Variants in STARD10 observed in about 807,000 individuals in gnomAD.
The protein encoded by STARD10 is StAR related lipid transfer domain containing 10, also known as START domain-containing protein 10.
Under a neutral mutation model 36.0 loss-of-function variants are expected in STARD10, and 24 were observed. That is an observed-to-expected ratio of 0.67 (90% CI 0.48 to 0.94). The LOEUF is 0.94. Ranked by LOEUF, STARD10 falls within the 40% of genes least tolerant of loss-of-function variation. The probability of loss-of-function intolerance (pLI) is 0.00; values close to 1 mark genes in which losing one functional copy is unlikely to be tolerated. For missense variants in STARD10, 335 were observed against 396.6 expected (o/e 0.84, Z 1.32); for synonymous variants, 156 against 161.9 (o/e 0.96, Z 0.28).
chr11:72,786,208 T>C (rs1278337387), intron 1 of STARD10, among the ~76,000 whole-genome samples: 1 of 152,092 alleles, frequency 6.6e-6, no homozygotes, highest in Non-Finnish European at 1.5e-5. Context: ...AAAAATTAGC[T>C]GGGCGTGGTG....
intron 3 of STARD10, among the ~76,000 whole-genome samples, chr11:72,758,992 G>C (rs1329270434): frequency 6.6e-6 from 1 of 152,250 alleles, no homozygotes; most frequent in African/African-American, 2.4e-5. Context: ...GCCTGATTGA[G>C]TGTATGCCTA....
intron 1 of STARD10, among the ~76,000 whole-genome samples, chr11:72,786,910 T>G (rs1859080146): frequency 6.6e-6 from 1 of 151,726 alleles, no homozygotes; most frequent in East Asian, 1.9e-4. Context: ...TGAGACGCCA[T>G]CTCTACAAAA....
intron 1 of STARD10, chr11:72,782,360 C>A (rs1859015859): frequency 6.6e-6 from 1 of 152,246 alleles, no homozygotes; most frequent in South Asian, 2.1e-4. Flanking sequence ...ACACCCAACC[C>A]CATTCCCACT....
intron 2 of STARD10, among the ~76,000 whole-genome samples, chr11:72,759,920 C>CT (rs1027596429): frequency 3.4e-5 from 5 of 148,776 alleles, no homozygotes; most frequent in Non-Finnish European, 6.0e-5. Flanking sequence ...TTTTTTTTTT[C>CT]TTTTTTTGAG....
rs757843058 is a variant in STARD10 at position 72,767,526 on chromosome 11, G to A, written c.208-8145C>T. Reference sequence around the variant, plus strand: ...AGGACTTTCTGCTACCTTCACCAAGGGGCAGGACTGGCCCAGCTAAAACAA... The same window carrying A: ...AGGACTTTCTGCTACCTTCACCAAGAGGCAGGACTGGCCCAGCTAAAACAA... On this transcript the variant is annotated intron_variant, in intron 2 of 6. Transcript: ENST00000334805. Among the ~76,000 whole-genome samples, 10 of 152,178 alleles carry A rather than the reference G, an allele frequency of 6.6e-5. 1 individual carries two copies. The highest frequency in any genetic ancestry group is 4.4e-5 in the Non-Finnish European group (3 of 68,024).
chr11:72,761,857 TGATA>T (rs1399929771), intron 2 of STARD10, among the ~76,000 whole-genome samples: 2 of 149,168 alleles, frequency 1.3e-5, no homozygotes, highest in Non-Finnish European at 3.0e-5. Flanking sequence ...GATCTCTAAA[TGATA>T]GATAGGAATG....
chr11:72,761,162 A>G (rs992050706), intron 2 of STARD10, among the ~76,000 whole-genome samples: 5 of 152,232 alleles, frequency 3.3e-5, no homozygotes, highest in Admixed American at 6.5e-5. Context: ...CAGAGGACAG[A>G]GGAATGAGCT....
intron 2 of STARD10, among the ~76,000 whole-genome samples, chr11:72,762,608 T>C (rs1310652978): frequency 2.0e-5 from 3 of 151,996 alleles, no homozygotes; most frequent in Admixed American, 2.0e-4. Flanking sequence ...ATTCGAGGCC[T>C]GTCTTTGAGA....
At chr11:72,778,709 T>C (rs1858955830) in intron 2 of STARD10, among the ~76,000 whole-genome samples, 1 of 152,184 alleles carries the variant, frequency 6.6e-6, no homozygotes. Context: ...CAGACCCAGC[T>C]CTGCTGAGAC....
At chr11:72,755,205 C>G (rs554150926) in intron 6 of STARD10, 63 bp from the exon 7 acceptor site, 42 of 1,518,332 alleles carry the variant, frequency 2.8e-5, no homozygotes, top group African/African-American at 1.9e-4. Context: ...TCCACACCCC[C>G]CTCCAGCGGC....
At chr11:72,760,928 G>T (rs1858707471) in intron 2 of STARD10, among the ~76,000 whole-genome samples, 1 of 151,820 alleles carries the variant, frequency 6.6e-6, no homozygotes, top group Non-Finnish European at 1.5e-5. Context: ...CTGGCATTTA[G>T]ACAGTGCCAA....
chr11:72,755,226 G>T, intron 6 of STARD10, 84 bp from the exon 7 acceptor site: 1 of 1,464,818 alleles, frequency 6.8e-7, no homozygotes, highest in Non-Finnish European at 9.1e-7. Flanking sequence ...TCAGCCCCCA[G>T]CATCCTGACT....
In STARD10 at chr11:72,781,339, G is replaced by A. The variant is rs1784016570; in HGVS notation, c.-113-45C>T. ...ACGGGAATCAGTGCGCTGGGGGCGC[G>A]GGTGGGGCTGTTCGGGGTCCTGGCG... On this transcript the variant is annotated intron_variant, in intron 1 of 6. Coordinates refer to ENST00000334805, the MANE Select transcript of STARD10 (RefSeq NM_006645.3). This position sits in a 1 kb window ranked among gnomAD's most constrained non-coding sequence, Gnocchi z 4.7. 1 of 639,486 alleles carries A rather than the reference G, an allele frequency of 1.6e-6. No homozygotes were observed. Among genetic ancestry groups the A allele is most frequent in the Non-Finnish European group, 2.7e-6 (1 of 368,506 alleles). The allele number at this position is 639,486 out of a possible 1,614,324, so 39.6% of individuals were successfully genotyped here.
intron 2 of STARD10, chr11:72,780,345 C>A: frequency 4.9e-6 from 2 of 411,392 alleles, no homozygotes; most frequent in South Asian, 3.3e-5. Flanking sequence ...TGACCCCAGG[C>A]CCCTTCCTTC....
intron 2 of STARD10, among the ~76,000 whole-genome samples, chr11:72,774,876 C>T (rs1031435968): frequency 6.6e-6 from 1 of 152,244 alleles, no homozygotes; most frequent in Admixed American, 6.5e-5. Context: ...GAAAACCCAT[C>T]TGTCTCCAGG....
intron 6 of STARD10, 167 bp downstream of exon 6, chr11:72,755,534 C>A: frequency 1.3e-6 from 1 of 767,514 alleles, no homozygotes; most frequent in Non-Finnish European, 2.3e-6. Flanking sequence ...TGGTCTTGAA[C>A]TCCCGACCTC....
At chr11:72,784,387 A>C (rs1185530145) in intron 1 of STARD10, among the ~76,000 whole-genome samples, 2 of 152,142 alleles carry the variant, frequency 1.3e-5, no homozygotes, top group Non-Finnish European at 2.9e-5. Context: ...TCTGAGCCCC[A>C]GTTTCCTCAT....
chr11:72,782,627 T>C (rs1674155466), intron 1 of STARD10: 1 of 152,284 alleles, frequency 6.6e-6, no homozygotes, highest in Admixed American at 6.5e-5. Flanking sequence ...CTCAAGAGCA[T>C]CTGGCCCAGG....
At chr11:72,780,874 G>A (rs879452907) in intron 2 of STARD10, 101 bp downstream of exon 2, 10 of 1,247,418 alleles carry the variant, frequency 8.0e-6, no homozygotes, top group African/African-American at 1.5e-5. Flanking sequence ...TCTGGGCCCA[G>A]ATATACAGCC....
Sources: allele counts gnomAD v4.1 joint callset (sites outside exome capture counted in the v4.1 genomes callset), GRCh38; gene constraint gnomAD v4.1.1; non-coding constraint Gnocchi (gnomAD v3.1); transcripts MANE v1.5; gene names NCBI Gene and HGNC (gene_info 2026-07-23, HGNC 2026-07-21).